The following CACNA1A variants were observed in gnomAD, a reference collection of about 807,000 sequenced individuals.
The protein encoded by CACNA1A is voltage-dependent P/Q-type calcium channel subunit alpha-1A.
A neutral mutation model predicts 262.4 loss-of-function variants in CACNA1A; 57 were observed. That is an observed-to-expected ratio of 0.22 (90% CI 0.18 to 0.27). The LOEUF (loss-of-function observed/expected upper bound fraction) is 0.27, where lower values mean the gene tolerates loss of function less well. Among genes scored for constraint, CACNA1A ranks in the 10% least tolerant of loss-of-function variants. The probability of loss-of-function intolerance (pLI) is 1.00; values close to 1 mark genes in which losing one functional copy is unlikely to be tolerated. For synonymous variants in CACNA1A, 1,431 were observed against 1,419.3 expected (o/e 1.01, Z -0.18); for missense variants, 2,526 against 3,562.8 (o/e 0.71, Z 7.41).
At chr19:13,333,897 T>C (rs192445304) in intron 8 of CACNA1A, 168 of 157,458 alleles carry the variant, frequency 1.1e-3, no homozygotes, top group Non-Finnish European at 1.9e-3. Flanking sequence ...ATATCCTCAG[T>C]GCTTAGATCA....
rs1351511381 is a variant in CACNA1A, at chr19:13,506,271, G to A, written c.-47C>T. 3 of 1,385,188 alleles carry A rather than the reference G, an allele frequency of 2.2e-6. No homozygotes were observed. In the East Asian group the frequency reaches 8.6e-5, roughly 40 times the overall value. The allele number at this position is 1,385,188 out of a possible 1,614,324, so 85.8% of individuals were successfully genotyped here. A position where few individuals can be genotyped will look rare whatever the true frequency, so the allele number is the denominator to read the frequency against. ...CGGGTTACGCTGCGGCGAACGATGC[G>A]GAAGACGCCGCCGCCGCCGCCGCCG... On this transcript the variant is annotated 5_prime_UTR_variant, in exon 1 of 47. Coordinates refer to ENST00000360228, the MANE Select transcript of CACNA1A (RefSeq NM_001127222.2).
chr19:13,385,226 C>CTTTTTTTTTT lies in CACNA1A; in HGVS notation c.540-13448_540-13447insAAAAAAAAAA, dbSNP rs200379554. On this transcript the variant is annotated intron_variant, in intron 3 of 46. Transcript: ENST00000360228. ...GTAGGGCAGATATTTTCTATTCTTT[C>CTTTTTTTTTT]TTTCTTTTTTTTTTTTTTTTTGAGA... Among the ~76,000 whole-genome samples, 14 of 137,546 alleles carry CTTTTTTTTTT rather than the reference C, an allele frequency of 1.0e-4. 1 individual carries two copies. Among genetic ancestry groups the CTTTTTTTTTT allele is most frequent in the South Asian group, 2.3e-4 (1 of 4,368 alleles). 90.2% of individuals were successfully genotyped at this position (137,546 alleles called of 152,430 possible). A position where few individuals can be genotyped will look rare whatever the true frequency, so the allele number is the denominator to read the frequency against.
intron 38 of CACNA1A, 133 bp downstream of exon 38, chr19:13,224,534 T>C (rs1418250634): frequency 3.3e-6 from 2 of 609,908 alleles, no homozygotes; most frequent in Non-Finnish European, 5.8e-6. Flanking sequence ...CAAAAAACCC[T>C]GTGGAACGAA....
chr19:13,278,914 G>T (rs1261092074), intron 22 of CACNA1A, among the ~76,000 whole-genome samples: 1 of 152,090 alleles, frequency 6.6e-6, no homozygotes, highest in Non-Finnish European at 1.5e-5. Context: ...AAGGGGATTG[G>T]CTTGAAAGAC....
intron 1 of CACNA1A, among the ~76,000 whole-genome samples, chr19:13,497,576 ATAT>A (rs1981841769): frequency 2.4e-5 from 1 of 41,444 alleles, no homozygotes; most frequent in African/African-American, 9.1e-5. Context: ...ATATATATAT[ATAT>A]AAATTTATGT....
chr19:13,307,339 A>G (rs2057926610), intron 15 of CACNA1A: 1 of 154,740 alleles, frequency 6.5e-6, no homozygotes, highest in African/African-American at 2.4e-5. Context: ...GGTTCAAGCA[A>G]TTCTTGTGCC....
At position 13,377,087 on chromosome 19, in the gene CACNA1A, G is replaced by A. The variant is rs978125573; in HGVS notation, c.540-5308C>T. Among the ~76,000 whole-genome samples the A allele has an allele frequency of 2.8e-4, 42 of 151,834 alleles. 1 individual carries two copies. Among genetic ancestry groups the A allele is most frequent in the Admixed American group, 2.3e-3 (35 of 15,212 alleles). On this transcript the variant is annotated intron_variant, in intron 3 of 46. Coordinates refer to ENST00000360228, the MANE Select transcript of CACNA1A (RefSeq NM_001127222.2). ...CGATTCTCCTGCCTCAGCCTCCAGG[G>A]TAGCTGGGATTACAGGCACCTGCTA...
intron 3 of CACNA1A, among the ~76,000 whole-genome samples, chr19:13,409,679 G>C (rs1470458386): frequency 6.6e-6 from 1 of 152,054 alleles, no homozygotes; most frequent in Non-Finnish European, 1.5e-5. Flanking sequence ...CCGAATAGCT[G>C]GGACTACGTG....
chr19:13,379,437 C>T (rs2059475682), intron 3 of CACNA1A, among the ~76,000 whole-genome samples: 1 of 152,108 alleles, frequency 6.6e-6, no homozygotes, highest in African/African-American at 2.4e-5. Context: ...CGACCTGGAA[C>T]CAAACCAGCA....
chr19:13,386,170 AAG>A (rs1432759297), intron 3 of CACNA1A, among the ~76,000 whole-genome samples: 5 of 97,528 alleles, frequency 5.1e-5, no homozygotes, highest in African/African-American at 8.6e-5. Context: ...AAAAAAAAAG[AAG>A]AAGAAGAATG....
At chr19:13,491,791 G>A (rs765313295) in intron 1 of CACNA1A, among the ~76,000 whole-genome samples, 2 of 152,144 alleles carry the variant, frequency 1.3e-5, no homozygotes, top group Non-Finnish European at 2.9e-5. Flanking sequence ...AGCCATGATT[G>A]CACCACTGTG....
intron 19 of CACNA1A, among the ~76,000 whole-genome samples, chr19:13,292,708 T>C (rs35094113): frequency 0.46 from 70,461 of 152,036 alleles, 17,026 homozygotes; most frequent in East Asian, 0.81. Context: ...AGGAAAAATG[T>C]ACAAGGCAGA....
At chr19:13,502,967 A>G (rs942802378) in intron 1 of CACNA1A, among the ~76,000 whole-genome samples, 4 of 152,172 alleles carry the variant, frequency 2.6e-5, no homozygotes, top group African/African-American at 7.2e-5. Context: ...TCGACCTGCA[A>G]CCCTTAGTCA....
At position 13,207,565 on chromosome 19, in the gene CACNA1A, G is replaced by C. The variant is rs1232528055; in HGVS notation, c.7269C>G (p.Ser2423Arg). 1 of 1,467,816 alleles carries C rather than the reference G, an allele frequency of 6.8e-7. No individual in the cohort carries two copies. The highest frequency in any genetic ancestry group is 1.5e-5 in the African/African-American group (1 of 67,548). The allele number at this position is 1,467,816 out of a possible 1,614,324, so 90.9% of individuals were successfully genotyped here. A position where few individuals can be genotyped will look rare whatever the true frequency, so the allele number is the denominator to read the frequency against. ...SDYDEADGPG[S>R]GGGEEAMAGA... The stretch of plus-strand genomic sequence containing the variant: ...CGGCCATGGCCTCCTCGCCGCCCCC[G>C]CTGCCCGGGCCATCGGCCTCGTCGT... Residue 2423 changes from serine (S) to arginine (R), a missense_variant, in exon 47 of 47, where the codon AGC (serine) becomes AGG (arginine). By Grantham distance (110) the Ser-to-Arg change is moderately radical. Around this residue, in one of 17 missense-constraint regions of CACNA1A, gnomAD observed 929 missense variants for 868.1 expected, o/e 1.07. Transcript: ENST00000360228. The surrounding 1 kb of genome is among the most constrained non-coding windows in gnomAD (Gnocchi z 5.7).
chr19:13,404,505 G>A (rs746220275), intron 3 of CACNA1A, among the ~76,000 whole-genome samples: 21 of 152,196 alleles, frequency 1.4e-4, no homozygotes, highest in Non-Finnish European at 2.9e-4. Context: ...CCATCAGGAA[G>A]GCATCCTCTC....
intron 31 of CACNA1A, chr19:13,244,138 G>A (rs954921355): frequency 2.6e-5 from 4 of 152,154 alleles, no homozygotes; most frequent in East Asian, 1.9e-4. Context: ...CCTGGCCTCC[G>A]GCTCAGGTTC....
chr19:13,310,504 A>G lies in CACNA1A; in HGVS notation c.1669-1976T>C, dbSNP rs1278750700. The stretch of plus-strand genomic sequence containing the variant: ...AAAAAAAAAAAATATATATATATAT[A>G]TATATATATGTAGAGAGAGAGAGAG... On this transcript the variant is annotated intron_variant, in intron 12 of 46. Transcript: ENST00000360228. Among the ~76,000 whole-genome samples the G allele has an allele frequency of 4.6e-3, 169 of 36,370 alleles. 30 individuals are homozygous for G. In the East Asian group the frequency reaches 0.29, roughly 62 times the overall value. 23.9% of individuals were successfully genotyped at this position (36,370 alleles called of 152,430 possible).
intron 1 of CACNA1A, among the ~76,000 whole-genome samples, chr19:13,462,226 A>T (rs1237935295): frequency 6.6e-6 from 1 of 152,144 alleles, no homozygotes; most frequent in Non-Finnish European, 1.5e-5. Context: ...GCGGAAATCA[A>T]ATCAGGTTTG....
In CACNA1A at chr19:13,231,740, A is replaced by G. The variant is rs375915079; in HGVS notation, c.5370T>C (p.Phe1790=). The G allele has an allele frequency of 6.2e-7, 1 of 1,613,380 alleles. No homozygotes were observed. The highest frequency in any genetic ancestry group is 1.3e-5 in the African/African-American group (1 of 74,904). The change falls in exon 35 of 47, where the codon TTT becomes TTC. Residue 1790 remains phenylalanine (F), a synonymous_variant. Coordinates refer to ENST00000360228, the MANE Select transcript of CACNA1A (RefSeq NM_001127222.2). The part of the protein sequence containing the change: ...ECGNEFAYFY[F]VSFIFLCSFL... ...ACGAGCAGAGGAAGATGAAGGAAACAAAGTAAAAATAAGCAAATTCATTGC... is the reference window on the plus strand; with the variant it reads ...ACGAGCAGAGGAAGATGAAGGAAACGAAGTAAAAATAAGCAAATTCATTGC...
Sources: allele counts gnomAD v4.1 joint callset (sites outside exome capture counted in the v4.1 genomes callset), GRCh38; gene constraint gnomAD v4.1.1; regional missense constraint gnomAD v4.1.1; non-coding constraint Gnocchi (gnomAD v3.1); transcripts MANE v1.5; gene names NCBI Gene and HGNC (gene_info 2026-07-23, HGNC 2026-07-21).